Variants in TENM3 observed in about 807,000 individuals in gnomAD.
TENM3 encodes teneurin-3.
TENM3 carries 63 observed loss-of-function variants against 255.1 expected under a neutral mutation model. The ratio of observed to expected loss-of-function variants is 0.25; its 90% confidence interval spans 0.20 to 0.30. The LOEUF (loss-of-function observed/expected upper bound fraction) is 0.30, where lower values mean the gene tolerates loss of function less well. TENM3 is among the 10% of genes least tolerant of loss of function. The pLI, the probability that TENM3 is intolerant of heterozygous loss-of-function variation, is 1.00. For missense variants in TENM3, 2,929 were observed against 3,461.1 expected, an observed-to-expected ratio of 0.85 and a Z score of 3.86; for synonymous variants, 1,306 against 1,322.3, an observed-to-expected ratio of 0.99 and a Z score of 0.27.
At chr4:181,837,330 C>T in the TENM3 span, among the ~76,000 whole-genome samples, 1 of 152,150 alleles carries the variant, frequency 6.6e-6, no homozygotes, top group African/African-American at 2.4e-5. Flanking sequence ...TGTTTTGCAT[C>T]ATATTGTCCT....
At chr4:182,459,737 A>T (rs1486513323) in intron 3 of TENM3, among the ~76,000 whole-genome samples, 1 of 152,200 alleles carries the variant, frequency 6.6e-6, no homozygotes, top group Non-Finnish European at 1.5e-5. Flanking sequence ...ATATCAGTAT[A>T]AACACCCGAT....
At chr4:181,627,329 C>A in the TENM3 span, among the ~76,000 whole-genome samples, 28 of 152,070 alleles carry the variant, frequency 1.8e-4, no homozygotes, top group South Asian at 2.7e-3. Context: ...AGTAAGTGTG[C>A]ACACATTTCT....
the TENM3 span, among the ~76,000 whole-genome samples, chr4:181,600,564 A>T: frequency 1.3e-5 from 2 of 151,680 alleles, no homozygotes; most frequent in African/African-American, 4.8e-5. Context: ...ATTTTCACAT[A>T]GTCCTAAGTA....
At chr4:182,123,790 G>A in the TENM3 span, among the ~76,000 whole-genome samples, 1 of 152,102 alleles carries the variant, frequency 6.6e-6, no homozygotes, top group African/African-American at 2.4e-5. Context: ...ACTCGACTCA[G>A]GGTTACCACA....
chr4:182,408,793 G>C (rs1769764624), intron 3 of TENM3, among the ~76,000 whole-genome samples: 1 of 152,184 alleles, frequency 6.6e-6, no homozygotes. Flanking sequence ...AAGGAGGCAG[G>C]TCTCTGAGCC....
intron 1 of TENM3, among the ~76,000 whole-genome samples, chr4:182,310,832 G>A (rs185766238): frequency 1.1e-4 from 17 of 152,132 alleles, no homozygotes; most frequent in African/African-American, 3.6e-4. Context: ...TCAGCCTCCC[G>A]AGTAGCTGGG....
In TENM3 at chr4:182,578,124, C is replaced by T. The variant is rs1423688240; in HGVS notation, c.512-22800C>T. Among the ~76,000 whole-genome samples, 4 of 151,914 alleles carry T rather than the reference C, an allele frequency of 2.6e-5. No homozygotes were observed. The East Asian group carries it at 7.7e-4, about 29-fold the overall frequency. The stretch of plus-strand genomic sequence containing the variant: ...CCCAAGTAGCTGGGATTGCAGGCAC[C>T]CACCACCACGCCCAGCTAATTTTTG... On this transcript the variant is annotated intron_variant, in intron 3 of 27. Coordinates refer to ENST00000511685, the MANE Select transcript of TENM3 (RefSeq NM_001080477.4).
chr4:182,254,454 T>C (rs996930606), intron 1 of TENM3, among the ~76,000 whole-genome samples: 1 of 151,436 alleles, frequency 6.6e-6, no homozygotes, highest in Non-Finnish European at 1.5e-5. Flanking sequence ...CTCATGAAAA[T>C]GAATTGGGAA....
chr4:182,401,001 T>A (rs1769183978), intron 3 of TENM3, among the ~76,000 whole-genome samples: 1 of 152,224 alleles, frequency 6.6e-6, no homozygotes, highest in African/African-American at 2.4e-5. Context: ...GTAGTGGATG[T>A]GATCCATGAC....
the TENM3 span, among the ~76,000 whole-genome samples, chr4:181,889,256 A>G: frequency 6.6e-6 from 1 of 151,900 alleles, no homozygotes; most frequent in Non-Finnish European, 1.5e-5. Flanking sequence ...TTCACGTGGG[A>G]CCTGGGTGTT....
intron 3 of TENM3, among the ~76,000 whole-genome samples, chr4:182,560,080 G>GTT (rs367823929): frequency 2.9e-5 from 4 of 137,670 alleles, no homozygotes; most frequent in Admixed American, 7.3e-5. Flanking sequence ...TTAAAAAAAG[G>GTT]TTTTTTTTTT....
chr4:181,982,473 A>C, the TENM3 span, among the ~76,000 whole-genome samples: 1 of 152,144 alleles, frequency 6.6e-6, no homozygotes, highest in East Asian at 1.9e-4. Flanking sequence ...GAATGATTAG[A>C]CACAAGCTAC....
In TENM3 at chr4:182,387,239, A is replaced by G. The variant is rs1439202558; in HGVS notation, c.511+40310A>G. Among the ~76,000 whole-genome samples, 3 of 152,154 alleles carry G rather than the reference A, an allele frequency of 2.0e-5. 1 individual carries two copies. Among genetic ancestry groups the G allele is most frequent in the Non-Finnish European group, 2.9e-5 (2 of 68,030 alleles). On this transcript the variant is annotated intron_variant, in intron 3 of 27. Transcript: ENST00000511685. ...AAGGTTTGTAAACACACCAGTCAGCACCCTGTGTTTAGCTCAAGCTTTGTG... is the reference window on the plus strand; with the variant it reads ...AAGGTTTGTAAACACACCAGTCAGCGCCCTGTGTTTAGCTCAAGCTTTGTG...
intron 22 of TENM3, among the ~76,000 whole-genome samples, chr4:182,770,881 C>T (rs140923873): frequency 6.6e-6 from 1 of 152,340 alleles, no homozygotes; most frequent in African/African-American, 2.4e-5. Flanking sequence ...CTTGTGCAAA[C>T]ACTTCAGCCC....
At chr4:181,577,526 A>G in the TENM3 span, among the ~76,000 whole-genome samples, 6 of 152,058 alleles carry the variant, frequency 3.9e-5, no homozygotes, top group Non-Finnish European at 7.4e-5. Context: ...ACTCTTTCCC[A>G]ACATTATCTC....
the TENM3 span, among the ~76,000 whole-genome samples, chr4:181,590,148 T>G: frequency 7.2e-5 from 11 of 152,150 alleles, no homozygotes; most frequent in Non-Finnish European, 4.4e-5. Flanking sequence ...CAACCCTTCT[T>G]TCTTTCACAA....
At chr4:182,464,364 C>G (rs544514873) in intron 3 of TENM3, among the ~76,000 whole-genome samples, 58 of 152,274 alleles carry the variant, frequency 3.8e-4, no homozygotes, top group African/African-American at 1.4e-3. Flanking sequence ...TCAAGTGATT[C>G]TCCTGACTCA....
the TENM3 span, among the ~76,000 whole-genome samples, chr4:181,494,011 T>C: frequency 6.6e-6 from 1 of 152,148 alleles, no homozygotes; most frequent in Admixed American, 6.5e-5. Context: ...GCATGTTAAC[T>C]CATTTAATCC....
chr4:182,389,787 G>A (rs906858795), intron 3 of TENM3, among the ~76,000 whole-genome samples: 8 of 151,424 alleles, frequency 5.3e-5, no homozygotes, highest in South Asian at 2.1e-4. Context: ...CCGGGTTCGC[G>A]CCATTCTCCT....
Sources: gnomAD v4.1 joint callset for allele counts (sites outside exome capture counted in the v4.1 genomes callset) on GRCh38, gnomAD v4.1.1 for gene constraint, MANE v1.5 for transcripts, NCBI Gene and HGNC (gene_info 2026-07-23, HGNC 2026-07-21) for gene names.